The following TAFA1 variants were observed in gnomAD, a reference collection of about 807,000 sequenced individuals.
TAFA1 encodes TAFA chemokine like family member 1, also known as chemokine-like protein TAFA-1.
TAFA1 carries 4 observed loss-of-function variants against 18.5 expected under a neutral mutation model. The observed-to-expected ratio is 0.22, with a 90% CI of 0.11 to 0.49. The LOEUF (loss-of-function observed/expected upper bound fraction) is 0.49, where lower values mean the gene tolerates loss of function less well. TAFA1 is among the 20% of genes least tolerant of loss of function. TAFA1 has a pLI of 0.98. For synonymous variants in TAFA1, 56 were observed against 55.2 expected (o/e 1.01, Z -0.06); for missense variants, 147 against 169.0 (o/e 0.87, Z 0.72).
At chr3:68,478,839 C>G (rs912128040) in intron 3 of TAFA1, among the ~76,000 whole-genome samples, 1 of 150,966 alleles carries the variant, frequency 6.6e-6, no homozygotes, top group African/African-American at 2.4e-5. Context: ...TTAAAGACTC[C>G]AAAAATTAAA....
chr3:68,376,786 C>T (rs912350428), intron 2 of TAFA1, among the ~76,000 whole-genome samples: 1 of 152,100 alleles, frequency 6.6e-6, no homozygotes, highest in African/African-American at 2.4e-5. Context: ...TATGGTTTGG[C>T]TCTGTGTCCC....
chr3:68,511,709 T>TC (rs1559699884), intron 3 of TAFA1, among the ~76,000 whole-genome samples: 1 of 152,078 alleles, frequency 6.6e-6, no homozygotes, highest in Non-Finnish European at 1.5e-5. Context: ...TAGTCTTAGT[T>TC]ACCACAGATA....
chr3:68,354,971 G>C (rs908673285), intron 2 of TAFA1, among the ~76,000 whole-genome samples: 1 of 151,922 alleles, frequency 6.6e-6, no homozygotes, highest in Admixed American at 6.6e-5. Flanking sequence ...TGGAGGGGAC[G>C]CAAACATTCA....
chr3:68,009,014 A>C (rs1264983958), intron 2 of TAFA1, among the ~76,000 whole-genome samples: 1 of 152,224 alleles, frequency 6.6e-6, no homozygotes, highest in East Asian at 1.9e-4. Context: ...ATTGGGAATT[A>C]CTGATGTCCC....
chr3:68,321,661 C>T (rs1014923206), intron 2 of TAFA1, among the ~76,000 whole-genome samples: 5 of 152,152 alleles, frequency 3.3e-5, no homozygotes, highest in Non-Finnish European at 7.3e-5. Flanking sequence ...CATCATTGAT[C>T]TCCCATTCTC....
At position 68,352,136 on chromosome 3, in the gene TAFA1, C is replaced by T. The variant is rs146848410; in HGVS notation, c.119-65144C>T. ...GATCTGAGAAAAGTCACTAACCACC[C>T]TCTTGAGCACTTGTAGGTAAACAAG... On this transcript the variant is annotated intron_variant, in intron 2 of 4. Transcript: ENST00000478136. 5.9e-3 allele frequency among the ~76,000 whole-genome samples: 899 copies of T among 152,054 alleles called. 8 individuals are homozygous for T. Among genetic ancestry groups the T allele is most frequent in the African/African-American group, 0.021 (855 of 41,510 alleles).
At position 68,329,216 on chromosome 3, in the gene TAFA1, CTTTTTTTTTTTT is replaced by C. The variant is rs10681423; in HGVS notation, c.119-88052_119-88041del. Among the ~76,000 whole-genome samples the C allele has an allele frequency of 4.5e-5, 4 of 88,988 alleles. No homozygotes were observed. The Admixed American group carries it at 6.1e-4, about 14-fold the overall frequency. The allele number at this position is 88,988 out of a possible 152,430, so 58.4% of individuals were successfully genotyped here. A position where few individuals can be genotyped will look rare whatever the true frequency, so the allele number is the denominator to read the frequency against. On this transcript the variant is annotated intron_variant, in intron 2 of 4. Coordinates refer to ENST00000478136, the MANE Select transcript of TAFA1 (RefSeq NM_213609.4). ...GGTGTGCACAACCATGCCTGGCTGCCTTTTTTTTTTTTTTTTTTTTTTTGTATTTTTAGTAGA... is the reference window on the plus strand; with the variant it reads ...GGTGTGCACAACCATGCCTGGCTGCCTTTTTTTTTTTGTATTTTTAGTAGA...
At chr3:68,502,774 G>T (rs975330669) in intron 3 of TAFA1, among the ~76,000 whole-genome samples, 13 of 152,020 alleles carry the variant, frequency 8.6e-5, no homozygotes, top group South Asian at 2.1e-4. Flanking sequence ...ATCTATAACA[G>T]TTTTGACCAG....
chr3:68,545,264 A>C lies in TAFA1; in HGVS notation c.*761A>C, dbSNP rs991539148. On this transcript the variant is annotated 3_prime_UTR_variant, in exon 5 of 5. Coordinates refer to ENST00000478136, the MANE Select transcript of TAFA1 (RefSeq NM_213609.4). ...TAGCTTTTCCACTTAGAAGAAAATG[A>C]GGATTCTTAAGGGAGCCACTCCACC... 11 of 152,602 alleles carry C rather than the reference A, an allele frequency of 7.2e-5. No individual in the cohort carries two copies. Among genetic ancestry groups the C allele is most frequent in the Non-Finnish European group, 1.3e-4 (9 of 68,036 alleles). The allele number at this position is 152,602 out of a possible 1,614,324, so 9.5% of individuals were successfully genotyped here.
chr3:68,443,926 A>T (rs1374596504), intron 3 of TAFA1, among the ~76,000 whole-genome samples: 1 of 152,214 alleles, frequency 6.6e-6, no homozygotes, highest in Non-Finnish European at 1.5e-5. Context: ...CTGCAATTTT[A>T]AAACTCCCTT....
At chr3:68,099,541 C>G (rs368071672) in intron 2 of TAFA1, among the ~76,000 whole-genome samples, 1 of 152,020 alleles carries the variant, frequency 6.6e-6, no homozygotes, top group East Asian at 1.9e-4. Context: ...CTTATACACT[C>G]TTGGTGGGAA....
intron 2 of TAFA1, among the ~76,000 whole-genome samples, chr3:68,082,315 A>G (rs2064915056): frequency 6.6e-6 from 1 of 152,186 alleles, no homozygotes; most frequent in African/African-American, 2.4e-5. Context: ...AGCTGTTCCT[A>G]TTCGGCCATC....
intron 2 of TAFA1, among the ~76,000 whole-genome samples, chr3:68,313,815 C>A (rs1387240895): frequency 2.0e-5 from 3 of 152,190 alleles, no homozygotes; most frequent in Non-Finnish European, 4.4e-5. Context: ...ATGGCCCTTG[C>A]CTCACTCTCA....
At chr3:68,016,057 C>T (rs1374837) in intron 2 of TAFA1, among the ~76,000 whole-genome samples, 2 of 152,018 alleles carry the variant, frequency 1.3e-5, no homozygotes, top group Non-Finnish European at 2.9e-5. Flanking sequence ...TGCTGTGGTC[C>T]TTGTTTTTTA....
chr3:68,090,330 C>T (rs1438718946), intron 2 of TAFA1, among the ~76,000 whole-genome samples: 3 of 152,136 alleles, frequency 2.0e-5, no homozygotes, highest in Non-Finnish European at 4.4e-5. Flanking sequence ...TACTCAGTTT[C>T]CTCTAATGGT....
At chr3:68,121,117 C>A (rs2065392845) in intron 2 of TAFA1, among the ~76,000 whole-genome samples, 1 of 151,960 alleles carries the variant, frequency 6.6e-6, no homozygotes, top group Admixed American at 6.6e-5. Context: ...TAGATTTCTC[C>A]AAGGAAAAGT....
Position 68,175,479 on chromosome 3 carries a change from C to T in TAFA1, c.118+168735C>T, listed in dbSNP as rs2106969561. ...AACCCACCTCTTGCATCAGTGTGAC[C>T]TGCATGTGAGACATGGATTCAAAGG... On this transcript the variant is annotated intron_variant, in intron 2 of 4. Coordinates refer to ENST00000478136, the MANE Select transcript of TAFA1 (RefSeq NM_213609.4). Among the ~76,000 whole-genome samples, 5 of 152,296 alleles carry T rather than the reference C, an allele frequency of 3.3e-5. No homozygotes were observed. The East Asian group carries it at 9.7e-4, about 29-fold the overall frequency.
intron 2 of TAFA1, among the ~76,000 whole-genome samples, chr3:68,319,080 G>A (rs2068656829): frequency 6.6e-6 from 1 of 151,968 alleles, no homozygotes; most frequent in Non-Finnish European, 1.5e-5. Context: ...GGTCCTATTT[G>A]GCATATTAAG....
At chr3:68,303,308 G>C (rs1278199199) in intron 2 of TAFA1, among the ~76,000 whole-genome samples, 1 of 152,178 alleles carries the variant, frequency 6.6e-6, no homozygotes, top group African/African-American at 2.4e-5. Context: ...TGATGGGATA[G>C]TGATAAAGGC....
Sources: allele counts gnomAD v4.1 joint callset (sites outside exome capture counted in the v4.1 genomes callset), GRCh38; gene constraint gnomAD v4.1.1; transcripts MANE v1.5; gene names NCBI Gene and HGNC (gene_info 2026-07-23, HGNC 2026-07-21).